Variants in FNIP1 observed in about 807,000 individuals in gnomAD.
FNIP1 encodes the protein folliculin-interacting protein 1.
FNIP1 carries 40 observed loss-of-function variants against 124.5 expected under a neutral mutation model. The observed-to-expected ratio is 0.32, with a 90% confidence interval of 0.25 to 0.42. The LOEUF (loss-of-function observed/expected upper bound fraction) is 0.42. Ranked by LOEUF, FNIP1 falls within the 10% of genes least tolerant of loss-of-function variation. The pLI is 1.00. For missense variants in FNIP1, 1,176 were observed against 1,403.7 expected (o/e 0.84, Z 2.59); for synonymous variants, 472 against 470.6 (o/e 1.00, Z -0.04).
chr5:131,756,192 T>C (rs1045501030), intron 1 of FNIP1, among the ~76,000 whole-genome samples: 1 of 151,876 alleles, frequency 6.6e-6, no homozygotes, highest in African/African-American at 2.4e-5. Context: ...CATATAGCAA[T>C]TGATTGAAGA....
intron 1 of FNIP1, among the ~76,000 whole-genome samples, chr5:131,772,198 C>T (rs1771657730): frequency 6.6e-6 from 1 of 151,992 alleles, no homozygotes; most frequent in African/African-American, 2.4e-5. Context: ...CTGGAAAAGG[C>T]CAAACTGTAG....
rs527334185 is a variant in FNIP1, at chr5:131,710,667, T to A, written c.623-6A>T. On this transcript the variant is annotated splice_polypyrimidine_tract_variant and splice_region_variant and intron_variant, in intron 6 of 17. Transcript: ENST00000510461. Reference sequence around the variant, plus strand: ...GCTGCAGAACTGTGAAAGACCTACATGGCAAAAACGTAAAATACACATGAA... The same window carrying A: ...GCTGCAGAACTGTGAAAGACCTACAAGGCAAAAACGTAAAATACACATGAA... The A allele has an allele frequency of 7.4e-6, 12 of 1,612,654 alleles. No homozygotes were observed. The African/African-American group carries it at 1.2e-4, about 16-fold the overall frequency.
At chr5:131,711,172 G>T (rs1769279666) in intron 6 of FNIP1, among the ~76,000 whole-genome samples, 2 of 152,126 alleles carry the variant, frequency 1.3e-5, no homozygotes, top group South Asian at 2.1e-4. Flanking sequence ...TTAAAAATTG[G>T]TTTTTCTAAC....
chr5:131,778,351 AG>A (rs1404680811), intron 1 of FNIP1, among the ~76,000 whole-genome samples: 1 of 152,234 alleles, frequency 6.6e-6, no homozygotes, highest in Non-Finnish European at 1.5e-5. Context: ...GTATACTGTG[AG>A]GAAGAAAGAA....
intron 15 of FNIP1, among the ~76,000 whole-genome samples, chr5:131,660,672 C>G (rs1215856665): frequency 6.6e-6 from 1 of 152,196 alleles, no homozygotes; most frequent in Non-Finnish European, 1.5e-5. Context: ...GGCCTTGTGT[C>G]TATTGAACTT....
intron 16 of FNIP1, among the ~76,000 whole-genome samples, chr5:131,648,891 T>A (rs1766967010): frequency 6.6e-6 from 1 of 152,228 alleles, no homozygotes; most frequent in East Asian, 1.9e-4. Context: ...GTACCTCATA[T>A]AAGTGGAATC....
At chr5:131,693,217 T>C (rs1165472142) in intron 11 of FNIP1, among the ~76,000 whole-genome samples, 1 of 140,980 alleles carries the variant, frequency 7.1e-6, no homozygotes, top group Non-Finnish European at 1.5e-5. Flanking sequence ...TATCAAAACA[T>C]CATTTTATAC....
chr5:131,691,144 A>C (rs1561657064), intron 11 of FNIP1, among the ~76,000 whole-genome samples: 1 of 152,202 alleles, frequency 6.6e-6, no homozygotes, highest in South Asian at 2.1e-4. Context: ...AATAATACAA[A>C]TCATACAATG....
intron 1 of FNIP1, among the ~76,000 whole-genome samples, chr5:131,785,781 G>GAT (rs1274025333): frequency 6.6e-6 from 1 of 152,174 alleles, no homozygotes; most frequent in African/African-American, 2.4e-5. Context: ...GAAGCAGGAA[G>GAT]ATAGCTTGAG....
At chr5:131,697,541 ATT>A (rs1768741684) in intron 11 of FNIP1, among the ~76,000 whole-genome samples, 1 of 152,200 alleles carries the variant, frequency 6.6e-6, no homozygotes, top group Non-Finnish European at 1.5e-5. Flanking sequence ...AAATAGATTT[ATT>A]TAGGTATAAA....
chr5:131,674,017 C>T lies in FNIP1; in HGVS notation c.1520-1093G>A, dbSNP rs1174955971. Among the ~76,000 whole-genome samples, 2 of 151,686 alleles carry T rather than the reference C, an allele frequency of 1.3e-5. 1 individual carries two copies. Among genetic ancestry groups the T allele is most frequent in the South Asian group, 4.2e-4 (2 of 4,798 alleles). On this transcript the variant is annotated intron_variant, in intron 13 of 17. Transcript: ENST00000510461. ...CACCACTGCACTCCAGCCTGGGCAA[C>T]AAGAGCAAGACTCCGTCTCAAAAAA...
At chr5:131,686,207 A>G (rs1768267374) in intron 11 of FNIP1, among the ~76,000 whole-genome samples, 1 of 152,254 alleles carries the variant, frequency 6.6e-6, no homozygotes, top group African/African-American at 2.4e-5. Context: ...CTTTATTTCA[A>G]TACAAAACTG....
intron 1 of FNIP1, among the ~76,000 whole-genome samples, chr5:131,749,320 T>A (rs1257784512): frequency 6.6e-6 from 1 of 151,936 alleles, no homozygotes; most frequent in African/African-American, 2.4e-5. Context: ...ACTCACCCAG[T>A]AACTTCCAGT....
intron 15 of FNIP1, among the ~76,000 whole-genome samples, chr5:131,669,625 A>T (rs1445827721): frequency 1.3e-5 from 2 of 152,112 alleles, no homozygotes; most frequent in African/African-American, 4.8e-5. Flanking sequence ...ATATGACAAA[A>T]TCCCACACTC....
At chr5:131,742,285 G>A (rs979642505) in intron 2 of FNIP1, among the ~76,000 whole-genome samples, 10 of 152,156 alleles carry the variant, frequency 6.6e-5, no homozygotes, top group African/African-American at 2.4e-4. Flanking sequence ...CCAACAAGGC[G>A]AAACCCCATT....
chr5:131,714,240 T>C (rs780813582), intron 6 of FNIP1, among the ~76,000 whole-genome samples: 5 of 152,184 alleles, frequency 3.3e-5, no homozygotes, highest in African/African-American at 4.8e-5. Context: ...TCCCTTGAAC[T>C]GTATAGCGGG....
intron 16 of FNIP1, among the ~76,000 whole-genome samples, chr5:131,647,971 A>C (rs780011934): frequency 6.6e-6 from 1 of 152,004 alleles, no homozygotes; most frequent in Non-Finnish European, 1.5e-5. Context: ...GGAGAATAAA[A>C]AACAGTTTGC....
chr5:131,698,248 T>C (rs1470384195), intron 11 of FNIP1, among the ~76,000 whole-genome samples: 1 of 152,192 alleles, frequency 6.6e-6, no homozygotes, highest in Non-Finnish European at 1.5e-5. Flanking sequence ...TCACTCCCTA[T>C]GCTATTCTAT....
chr5:131,718,783 C>T (rs961467834), intron 5 of FNIP1, among the ~76,000 whole-genome samples: 2 of 152,176 alleles, frequency 1.3e-5, no homozygotes, highest in African/African-American at 4.8e-5. Flanking sequence ...GATACTGCTT[C>T]TAGCAATTCA....
Sources: allele counts gnomAD v4.1 joint callset (sites outside exome capture counted in the v4.1 genomes callset), GRCh38; gene constraint gnomAD v4.1.1; transcripts MANE v1.5; gene names NCBI Gene and HGNC (gene_info 2026-07-23, HGNC 2026-07-21).